The following LRP1B variants were observed in gnomAD, a reference collection of about 807,000 sequenced individuals.
LRP1B encodes the protein LDL receptor related protein 1B.
Under a neutral mutation model 556.6 loss-of-function variants are expected in LRP1B, and 217 were observed. That is an observed-to-expected ratio of 0.39 (90% CI 0.35 to 0.44). The LOEUF (loss-of-function observed/expected upper bound fraction) is 0.44. Among genes scored for constraint, LRP1B ranks in the 20% least tolerant of loss-of-function variants. LRP1B has a pLI of 1.00. For missense variants in LRP1B, 5,053 were observed against 5,620.8 expected (o/e 0.90, Z 3.23); for synonymous variants, 2,047 against 1,865.8 (o/e 1.10, Z -2.50).
chr2:141,554,107 T>G lies in LRP1B; in HGVS notation c.206-73574A>C, dbSNP rs1029784173. Among the ~76,000 whole-genome samples, 18 of 143,316 alleles carry G rather than the reference T, an allele frequency of 1.3e-4. No individual in the cohort carries two copies. In the East Asian group the frequency reaches 2.5e-3, roughly 20 times the overall value. 94.0% of individuals were successfully genotyped at this position (143,316 alleles called of 152,430 possible). A position where few individuals can be genotyped will look rare whatever the true frequency, so the allele number is the denominator to read the frequency against. The stretch of plus-strand genomic sequence containing the variant: ...ACATATAGATTATATATATCTATAT[T>G]AATAGACAAGATATAGATTATATAT... On this transcript the variant is annotated intron_variant, in intron 2 of 90. Transcript: ENST00000389484.
intron 2 of LRP1B, among the ~76,000 whole-genome samples, chr2:141,635,582 G>T (rs879739443): frequency 6.6e-6 from 1 of 152,058 alleles, no homozygotes; most frequent in African/African-American, 2.4e-5. Flanking sequence ...ATTAAATAAA[G>T]GCTGAATTAA....
At position 140,509,972 on chromosome 2, in the gene LRP1B, C is replaced by G. The variant is rs1689583725; in HGVS notation, c.8354G>C (p.Arg2785Thr). Residue 2785 changes from arginine to threonine, a missense_variant, in exon 52 of 91, where the codon AGG (arginine) becomes ACG (threonine). Transcript: ENST00000389484. ...CTCATCGCTTCCATCTGGACAGTCC[C>G]TTTCACCATCACAAAGCCAATGTCG... ...VPRHWLCDGE[R>T]DCPDGSDELS... 1 of 1,613,904 alleles carries G rather than the reference C, an allele frequency of 6.2e-7. No individual in the cohort carries two copies. The highest frequency in any genetic ancestry group is 1.3e-5 in the African/African-American group (1 of 74,906).
chr2:140,544,088 T>G (rs1202238332), intron 43 of LRP1B, among the ~76,000 whole-genome samples: 5 of 152,110 alleles, frequency 3.3e-5, no homozygotes, highest in African/African-American at 1.2e-4. Flanking sequence ...AATCTTTAAG[T>G]GCACAATTCA....
chr2:141,899,698 T>G (rs1028267538), intron 1 of LRP1B, among the ~76,000 whole-genome samples: 39 of 152,136 alleles, frequency 2.6e-4, no homozygotes, highest in Non-Finnish European at 5.9e-5. Context: ...CTTAAGTTTT[T>G]GTCTTTGGAA....
chr2:141,761,168 T>C (rs1694531103), intron 2 of LRP1B, among the ~76,000 whole-genome samples: 1 of 152,156 alleles, frequency 6.6e-6, no homozygotes, highest in Non-Finnish European at 1.5e-5. Flanking sequence ...TGTGTTTCTG[T>C]AAAAAGAGAT....
chr2:140,751,620 T>A (rs1032934733), intron 35 of LRP1B, among the ~76,000 whole-genome samples: 1 of 152,218 alleles, frequency 6.6e-6, no homozygotes, highest in Non-Finnish European at 1.5e-5. Flanking sequence ...ATTGATGACA[T>A]AGTCTCATGG....
intron 5 of LRP1B, among the ~76,000 whole-genome samples, chr2:141,238,722 T>C (rs2105311950): frequency 6.6e-6 from 1 of 152,176 alleles, no homozygotes; most frequent in Admixed American, 6.6e-5. Flanking sequence ...AGTAATCTAA[T>C]TCAGAATGTA....
chr2:141,457,220 T>G (rs1022317971), intron 3 of LRP1B, among the ~76,000 whole-genome samples: 1 of 152,144 alleles, frequency 6.6e-6, no homozygotes, highest in Non-Finnish European at 1.5e-5. Flanking sequence ...AATATTCTTG[T>G]GTGGTTTCAG....
intron 3 of LRP1B, among the ~76,000 whole-genome samples, chr2:141,409,605 G>C (rs1415142956): frequency 1.3e-5 from 2 of 151,932 alleles, no homozygotes; most frequent in Non-Finnish European, 2.9e-5. Flanking sequence ...ATGTACATCT[G>C]TATCCTGTAT....
intron 1 of LRP1B, among the ~76,000 whole-genome samples, chr2:141,951,577 T>G (rs1701106901): frequency 1.3e-5 from 2 of 152,128 alleles, no homozygotes; most frequent in Non-Finnish European, 2.9e-5. Flanking sequence ...GTATAATATA[T>G]AAGAACTAAG....
chr2:141,672,252 A>G (rs891773964), intron 2 of LRP1B, among the ~76,000 whole-genome samples: 3 of 152,128 alleles, frequency 2.0e-5, no homozygotes, highest in Non-Finnish European at 4.4e-5. Context: ...GAAAGAGACA[A>G]CAAGGCACTT....
intron 83 of LRP1B, among the ~76,000 whole-genome samples, chr2:140,303,695 G>T (rs13424907): frequency 1.3e-5 from 2 of 151,614 alleles, no homozygotes; most frequent in Non-Finnish European, 2.9e-5. Flanking sequence ...TTCTAGGGTA[G>T]GTGTGCACAA....
intron 35 of LRP1B, among the ~76,000 whole-genome samples, chr2:140,742,390 T>C (rs1177780020): frequency 6.6e-6 from 1 of 152,200 alleles, no homozygotes; most frequent in Non-Finnish European, 1.5e-5. Flanking sequence ...ATTATTATCA[T>C]TCTAAATATT....
At position 140,628,743 on chromosome 2, in the gene LRP1B, TC is replaced by T. The variant is rs543492026; in HGVS notation, c.6800-27105del. Among the ~76,000 whole-genome samples, 1,336 of 152,316 alleles carry T rather than the reference TC, an allele frequency of 8.8e-3. 9 individuals are homozygous for T. Among genetic ancestry groups the T allele is most frequent in the Non-Finnish European group, 0.015 (997 of 68,024 alleles). On this transcript the variant is annotated intron_variant, in intron 41 of 90. Coordinates refer to ENST00000389484, the MANE Select transcript of LRP1B (RefSeq NM_018557.3). ...TTTGCATCCCCACCCAAATCTCATG[TC>T]GAATTATAATTCCCAGTGTTGGAGG...
chr2:141,195,249 A>G (rs1336475214), intron 6 of LRP1B, among the ~76,000 whole-genome samples: 2 of 152,104 alleles, frequency 1.3e-5, no homozygotes, highest in Non-Finnish European at 2.9e-5. Flanking sequence ...TGTGGTCTAC[A>G]TTGCAAGGAA....
chr2:141,306,693 G>A (rs918610425), intron 3 of LRP1B, among the ~76,000 whole-genome samples: 1 of 151,520 alleles, frequency 6.6e-6, no homozygotes, highest in African/African-American at 2.4e-5. Flanking sequence ...CTTTTTCCTT[G>A]AAGTCCATTT....
At chr2:141,664,064 G>A (rs773584713) in intron 2 of LRP1B, among the ~76,000 whole-genome samples, 1 of 152,136 alleles carries the variant, frequency 6.6e-6, no homozygotes, top group South Asian at 2.1e-4. Context: ...CAGCATCAAG[G>A]GATGCAAGGC....
chr2:140,694,781 A>G (rs1686367681), intron 41 of LRP1B, among the ~76,000 whole-genome samples: 1 of 152,122 alleles, frequency 6.6e-6, no homozygotes, highest in Non-Finnish European at 1.5e-5. Flanking sequence ...TTAATTTCTT[A>G]TTAATGAATT....
chr2:140,861,404 C>T (rs1423547823), intron 27 of LRP1B, among the ~76,000 whole-genome samples: 1 of 152,062 alleles, frequency 6.6e-6, no homozygotes, highest in Non-Finnish European at 1.5e-5. Context: ...GAGATTCCAT[C>T]TCAAAAAACA....
Sources: gnomAD v4.1 joint callset for allele counts (sites outside exome capture counted in the v4.1 genomes callset) on GRCh38, gnomAD v4.1.1 for gene constraint, MANE v1.5 for transcripts, NCBI Gene and HGNC (gene_info 2026-07-23, HGNC 2026-07-21) for gene names.